FAM210B: variants seen among roughly 807,000 people sequenced by gnomAD.
FAM210B encodes family with sequence similarity 210 member B.
FAM210B carries 11 observed loss-of-function variants against 14.9 expected under a neutral mutation model. The observed-to-expected ratio is 0.74, with a 90% confidence interval of 0.46 to 1.22. The LOEUF is 1.22. Among genes scored for constraint, FAM210B ranks in the 50% most tolerant of loss-of-function variants. The pLI is 0.00. For missense variants in FAM210B, 229 were observed against 250.1 expected, an observed-to-expected ratio of 0.92 and a Z score of 0.57; for synonymous variants, 113 against 110.2, an observed-to-expected ratio of 1.03 and a Z score of -0.16.
Position 56,367,048 on chromosome 20 carries a change from A to G in FAM210B, c.*761A>G, listed in dbSNP as rs1206152245. On this transcript the variant is annotated 3_prime_UTR_variant, in exon 3 of 3. Transcript: ENST00000371384. ...TGTTCCAGAGGAATTCGGATACCAC[A>G]AACAGCTAAGACAATCTCAGCTTTT... is the stretch of plus-strand genomic sequence containing the variant. The G allele has an allele frequency of 6.6e-6, 1 of 152,634 alleles. No homozygotes were observed. The highest frequency in any genetic ancestry group is 1.9e-4 in the East Asian group (1 of 5,200). The allele number at this position is 152,634 out of a possible 1,614,324, so 9.5% of individuals were successfully genotyped here.
In FAM210B at chr20:56,359,087, G is replaced by A. The variant is rs1162416537; in HGVS notation, c.82G>A (p.Ala28Thr). The A allele has an allele frequency of 7.4e-7, 1 of 1,343,284 alleles. No homozygotes were observed. Among genetic ancestry groups the A allele is most frequent in the Non-Finnish European group, 9.6e-7 (1 of 1,044,906 alleles). 83.2% of individuals were successfully genotyped at this position (1,343,284 alleles called of 1,614,324 possible). ...VRPRATWLLG[A>T]TAPCAPPPLA... ...GCCTCGCGCCACCTGGCTCCTGGGCGCCACCGCCCCCTGCGCCCCGCCGCC... is the reference window on the plus strand; with the variant it reads ...GCCTCGCGCCACCTGGCTCCTGGGCACCACCGCCCCCTGCGCCCCGCCGCC... Residue 28 changes from alanine (A) to threonine (T), a missense_variant, in exon 1 of 3, where the codon GCC becomes ACC. Around this residue, in one of 3 missense-constraint regions of FAM210B, gnomAD observed 144 missense variants for 132.5 expected, o/e 1.09. Coordinates refer to ENST00000371384, the MANE Select transcript of FAM210B (RefSeq NM_080821.3). The surrounding 1 kb of genome is among the most constrained non-coding windows in gnomAD (Gnocchi z 4.3).
Position 56,359,124 on chromosome 20 carries a change from C to A in FAM210B, c.119C>A (p.Ala40Asp), listed in dbSNP as rs1017233718. Residue 40 changes from alanine to aspartate, a missense_variant, in exon 1 of 3, where the codon GCC becomes GAC. By Grantham distance (126) the Ala-to-Asp change is moderately radical. Coordinates refer to ENST00000371384, the MANE Select transcript of FAM210B (RefSeq NM_080821.3). The surrounding 1 kb of genome is among the most constrained non-coding windows in gnomAD (Gnocchi z 4.3). ...APCAPPPLAL[A>D]LLPPRLDARL... ...TGCGCCCCGCCGCCCCTGGCCCTGG[C>A]CCTGCTCCCGCCCAGGCTAGACGCC... 1 of 1,297,750 alleles carries A rather than the reference C, an allele frequency of 7.7e-7. No homozygotes were observed. The highest frequency in any genetic ancestry group is 9.7e-7 in the Non-Finnish European group (1 of 1,027,734). 80.4% of individuals were successfully genotyped at this position (1,297,750 alleles called of 1,614,324 possible).
At position 56,359,051 on chromosome 20, in the gene FAM210B, G is replaced by GC; in HGVS notation, c.49dup (p.Arg17ProfsTer119). On this transcript the variant is annotated frameshift_variant, in exon 1 of 3. Transcript: ENST00000371384. LOFTEE classifies it high-confidence loss of function. This position sits in a 1 kb window ranked among gnomAD's most constrained non-coding sequence, Gnocchi z 4.3. ...GCTGGGTCCGGCAGGCAGGGTGGGCGCCCGGGTCCGGCCTCGCGCCACCTG... is the reference window on the plus strand; with the variant it reads ...GCTGGGTCCGGCAGGCAGGGTGGGCGCCCCGGGTCCGGCCTCGCGCCACCTG... 7.4e-7 allele frequency: 1 copy of GC among 1,351,956 alleles called. No homozygotes were observed. The highest frequency in any genetic ancestry group is 1.6e-5 in the South Asian group (1 of 61,780). The allele number at this position is 1,351,956 out of a possible 1,614,324, so 83.7% of individuals were successfully genotyped here. A position where few individuals can be genotyped will look rare whatever the true frequency, so the allele number is the denominator to read the frequency against.
At position 56,367,638 on chromosome 20, in the gene FAM210B, A is replaced by C. The variant is rs1371441692; in HGVS notation, c.*1351A>C. Reference sequence around the variant, plus strand: ...GCGACAGAGGGAGACACTGTCTCCAAAAGAAAGAAATCCCAGCGTAGATCC... The same window carrying C: ...GCGACAGAGGGAGACACTGTCTCCACAAGAAAGAAATCCCAGCGTAGATCC... On this transcript the variant is annotated 3_prime_UTR_variant, in exon 3 of 3. Coordinates refer to ENST00000371384, the MANE Select transcript of FAM210B (RefSeq NM_080821.3). 1 of 152,368 alleles carries C rather than the reference A, an allele frequency of 6.6e-6. No homozygotes were observed. Among genetic ancestry groups the C allele is most frequent in the Non-Finnish European group, 1.5e-5 (1 of 68,168 alleles). The allele number at this position is 152,368 out of a possible 1,614,324, so 9.4% of individuals were successfully genotyped here. A position where few individuals can be genotyped will look rare whatever the true frequency, so the allele number is the denominator to read the frequency against.
intron 1 of FAM210B, among the ~76,000 whole-genome samples, chr20:56,361,191 C>CCTTTT (rs1436007477): frequency 1.2e-4 from 19 of 152,288 alleles, no homozygotes; most frequent in African/African-American, 4.6e-4. Context: ...GCCCCAGTGT[C>CCTTTT]CTTTTGTCTC....
At position 56,368,264 on chromosome 20, in the gene FAM210B, C is replaced by T. The variant is rs1983690326; in HGVS notation, c.*1977C>T. Reference sequence around the variant, plus strand: ...TTTCATCTTGTGTTTAAAGCAATTCCTTGGCTTCGGCTCCTCACCACTTTC... The same window carrying T: ...TTTCATCTTGTGTTTAAAGCAATTCTTTGGCTTCGGCTCCTCACCACTTTC... On this transcript the variant is annotated 3_prime_UTR_variant, in exon 3 of 3. Coordinates refer to ENST00000371384, the MANE Select transcript of FAM210B (RefSeq NM_080821.3). 6.6e-6 allele frequency: 1 copy of T among 151,894 alleles called. No homozygotes were observed. The highest frequency in any genetic ancestry group is 2.4e-5 in the African/African-American group (1 of 41,054). The allele number at this position is 151,894 out of a possible 1,614,324, so 9.4% of individuals were successfully genotyped here.
At chr20:56,361,387 C>T (rs570720830) in intron 1 of FAM210B, among the ~76,000 whole-genome samples, 3 of 152,244 alleles carry the variant, frequency 2.0e-5, no homozygotes, top group Admixed American at 6.5e-5. Flanking sequence ...ATAAGCTCAT[C>T]GAGGGTGGGG....
intron 1 of FAM210B, among the ~76,000 whole-genome samples, chr20:56,364,673 G>A (rs957838838): frequency 6.6e-6 from 1 of 152,222 alleles, no homozygotes; most frequent in Non-Finnish European, 1.5e-5. Flanking sequence ...CACTGAGTAG[G>A]AAAGGGGTAA....
chr20:56,365,502 ATTTG>A (rs755545509), intron 2 of FAM210B, among the ~76,000 whole-genome samples: 142 of 150,142 alleles, frequency 9.5e-4, no homozygotes, highest in African/African-American at 2.9e-3. Context: ...CACCCAGCTG[ATTTG>A]TTTGTTTGTT....
rs752767244 is a variant in FAM210B at position 56,359,627 on chromosome 20, G to A, written c.186+436G>A. Reference sequence around the variant, plus strand: ...TGAGTGGAAGAGCAGGCGTCCTCAGGGAAGCCGCGGGCAAGAAACCCACAG... The same window carrying A: ...TGAGTGGAAGAGCAGGCGTCCTCAGAGAAGCCGCGGGCAAGAAACCCACAG... On this transcript the variant is annotated intron_variant, in intron 1 of 2. Coordinates refer to ENST00000371384, the MANE Select transcript of FAM210B (RefSeq NM_080821.3). This position sits in a 1 kb window ranked among gnomAD's most constrained non-coding sequence, Gnocchi z 4.3. 1.6e-4 allele frequency among the ~76,000 whole-genome samples: 25 copies of A among 152,210 alleles called. No homozygotes were observed. Among genetic ancestry groups the A allele is most frequent in the Non-Finnish European group, 1.8e-4 (12 of 68,026 alleles).
In FAM210B at chr20:56,362,679, G is replaced by A. The variant is rs900263965; in HGVS notation, c.187-2408G>A. Among the ~76,000 whole-genome samples the A allele has an allele frequency of 2.6e-5, 4 of 152,200 alleles. No individual in the cohort carries two copies. Among genetic ancestry groups the A allele is most frequent in the East Asian group, 3.8e-4 (2 of 5,196 alleles). On this transcript the variant is annotated intron_variant, in intron 1 of 2. Transcript: ENST00000371384. This position sits in a 1 kb window ranked among gnomAD's most constrained non-coding sequence, Gnocchi z 4.8. ...AGCCAACCGTGGTGCCAGCTAACCC[G>A]AGATTGTCCCTGTGTCTGAATGTCT...
At chr20:56,360,443 G>A in intron 1 of FAM210B, 1 of 344,634 alleles carries the variant, frequency 2.9e-6, no homozygotes. Flanking sequence ...CTCAGGCCCT[G>A]GCACTGGAGC....
At position 56,366,393 on chromosome 20, in the gene FAM210B, G is replaced by T. The variant is rs963772243; in HGVS notation, c.*106G>T. On this transcript the variant is annotated 3_prime_UTR_variant, in exon 3 of 3. Transcript: ENST00000371384. ...TAGGGTTTCTTTTGGAGAGGTAGGG[G>T]GCTAATTGCTATGTTCTCATGGATA... 31 of 1,023,792 alleles carry T rather than the reference G, an allele frequency of 3.0e-5. No homozygotes were observed. The highest frequency in any genetic ancestry group is 1.9e-5 in the Non-Finnish European group (13 of 692,104). The allele number at this position is 1,023,792 out of a possible 1,614,324, so 63.4% of individuals were successfully genotyped here. A position where few individuals can be genotyped will look rare whatever the true frequency, so the allele number is the denominator to read the frequency against.
At position 56,365,257 on chromosome 20, in the gene FAM210B, G is replaced by C; in HGVS notation, c.357G>C (p.Val119=). ...LISLGIFYMV[V]SSGVDMPAIL... ...CCTTGGGCATATTTTACATGGTTGT[G>C]TCAAGGTAAGATTTTTGACAGTAAT... Residue 119 remains valine (V), a synonymous_variant, in exon 2 of 3, where the codon GTG becomes GTC. Coordinates refer to ENST00000371384, the MANE Select transcript of FAM210B (RefSeq NM_080821.3). The C allele has an allele frequency of 6.2e-7, 1 of 1,611,472 alleles. No individual in the cohort carries two copies. The highest frequency in any genetic ancestry group is 2.2e-5 in the East Asian group (1 of 44,860).
At chr20:56,364,808 G>C (rs1193931653) in intron 1 of FAM210B, among the ~76,000 whole-genome samples, 2 of 152,076 alleles carry the variant, frequency 1.3e-5, no homozygotes, top group African/African-American at 4.8e-5. Flanking sequence ...CAAAAAATTA[G>C]CTGGGTGTGG....
At position 56,359,154 on chromosome 20, in the gene FAM210B, T is replaced by C. The variant is rs950735703; in HGVS notation, c.149T>C (p.Leu50Pro). Reference sequence around the variant, plus strand: ...CTCCCGCCCAGGCTAGACGCCCGGCTGCTCCGCACGGCGCGCGGGGACTGC... The same window carrying C: ...CTCCCGCCCAGGCTAGACGCCCGGCCGCTCCGCACGGCGCGCGGGGACTGC... ...ALLPPRLDAR[L>P]LRTARGDCRG... Residue 50 changes from leucine to proline, a missense_variant, in exon 1 of 3, where the codon CTG becomes CCG. Leu to Pro is a moderately conservative substitution (Grantham distance 98). Transcript: ENST00000371384. This position sits in a 1 kb window ranked among gnomAD's most constrained non-coding sequence, Gnocchi z 4.3. The C allele has an allele frequency of 8.8e-6, 11 of 1,243,932 alleles. No individual in the cohort carries two copies. The highest frequency in any genetic ancestry group is 1.6e-5 in the African/African-American group (1 of 64,194). 77.1% of individuals were successfully genotyped at this position (1,243,932 alleles called of 1,614,324 possible). A position where few individuals can be genotyped will look rare whatever the true frequency, so the allele number is the denominator to read the frequency against.
At chr20:56,364,433 T>C (rs1983590235) in intron 1 of FAM210B, among the ~76,000 whole-genome samples, 1 of 152,212 alleles carries the variant, frequency 6.6e-6, no homozygotes, top group African/African-American at 2.4e-5. Flanking sequence ...CCTCCCTCTC[T>C]TCACTTATAA....
At chr20:56,364,510 A>T (rs1215989548) in intron 1 of FAM210B, among the ~76,000 whole-genome samples, 1 of 152,140 alleles carries the variant, frequency 6.6e-6, no homozygotes, top group East Asian at 1.9e-4. Flanking sequence ...CTATCTCAAG[A>T]CCCTTAATCA....
chr20:56,365,293 T>C, intron 2 of FAM210B, 31 bp downstream of exon 2: 11 of 1,597,580 alleles, frequency 6.9e-6, no homozygotes, highest in Non-Finnish European at 9.4e-6. Flanking sequence ...TAATATTTGT[T>C]TTTTACTGTC....
Sources: allele counts gnomAD v4.1 joint callset (sites outside exome capture counted in the v4.1 genomes callset), GRCh38; gene constraint gnomAD v4.1.1; regional missense constraint gnomAD v4.1.1; non-coding constraint Gnocchi (gnomAD v3.1); transcripts MANE v1.5; gene names NCBI Gene and HGNC (gene_info 2026-07-23, HGNC 2026-07-21).